PDE4D: variants seen among roughly 807,000 people sequenced by gnomAD.
PDE4D encodes the protein phosphodiesterase 4D.
Under a neutral mutation model 87.4 loss-of-function variants are expected in PDE4D, and 24 were observed. The observed-to-expected ratio is 0.27, with a 90% CI of 0.20 to 0.39. PDE4D has a LOEUF of 0.39. PDE4D is among the 10% of genes least tolerant of loss of function. PDE4D has a pLI of 1.00. For synonymous variants in PDE4D, 384 were observed against 383.2 expected, an observed-to-expected ratio of 1.00 and a Z score of -0.02; for missense variants, 714 against 1,041.0, an observed-to-expected ratio of 0.69 and a Z score of 4.32.
intron 1 of PDE4D, among the ~76,000 whole-genome samples, chr5:59,357,798 C>T (rs555517849): frequency 6.3e-4 from 96 of 152,262 alleles, no homozygotes; most frequent in Middle Eastern, 3.4e-3. Context: ...ACCCTAGTGC[C>T]GTCATCGGTC....
chr5:60,239,389 A>C (rs1416683653), intron 1 of PDE4D, among the ~76,000 whole-genome samples: 1 of 152,118 alleles, frequency 6.6e-6, no homozygotes, highest in African/African-American at 2.4e-5. Flanking sequence ...CTTCTTCAAA[A>C]TTGTGTTGGT....
chr5:60,379,489 A>T (rs560094475), intron 1 of PDE4D, among the ~76,000 whole-genome samples: 4 of 152,172 alleles, frequency 2.6e-5, no homozygotes, highest in Non-Finnish European at 5.9e-5. Flanking sequence ...AGCTCTGAGG[A>T]CCCAATCTCA....
At chr5:59,480,852 T>C (rs1167421578) in intron 1 of PDE4D, among the ~76,000 whole-genome samples, 1 of 152,142 alleles carries the variant, frequency 6.6e-6, no homozygotes, top group Non-Finnish European at 1.5e-5. Flanking sequence ...CAATAAAACT[T>C]GCCCTGATTA....
At chr5:59,825,410 G>A (rs1160148383) in intron 1 of PDE4D, among the ~76,000 whole-genome samples, 1 of 152,094 alleles carries the variant, frequency 6.6e-6, no homozygotes, top group African/African-American at 2.4e-5. Flanking sequence ...CTTGTTGGTG[G>A]TGGCACTGCA....
chr5:59,992,401 T>C (rs1053100677), intron 2 of PDE4D, among the ~76,000 whole-genome samples: 2 of 152,222 alleles, frequency 1.3e-5, no homozygotes, highest in Non-Finnish European at 2.9e-5. Flanking sequence ...TGTGAGTCAA[T>C]ACTCCTTAAC....
chr5:59,514,401 G>A (rs762888323), intron 1 of PDE4D, among the ~76,000 whole-genome samples: 18 of 152,152 alleles, frequency 1.2e-4, no homozygotes, highest in South Asian at 6.2e-4. Context: ...CACCGCACCC[G>A]GCCTTCATTT....
chr5:60,348,784 T>C (rs1758946389), intron 1 of PDE4D, among the ~76,000 whole-genome samples: 1 of 152,032 alleles, frequency 6.6e-6, no homozygotes, highest in African/African-American at 2.4e-5. Flanking sequence ...AAACAGAAAA[T>C]GCATACTTTA....
chr5:59,218,796 T>G (rs1249977882), intron 1 of PDE4D, among the ~76,000 whole-genome samples: 1 of 152,022 alleles, frequency 6.6e-6, no homozygotes, highest in Non-Finnish European at 1.5e-5. Flanking sequence ...TAATCTAATA[T>G]TAGTATTAGC....
chr5:59,811,509 C>T (rs1768343257), intron 1 of PDE4D, among the ~76,000 whole-genome samples: 3 of 152,210 alleles, frequency 2.0e-5, no homozygotes, highest in Admixed American at 2.0e-4. Context: ...AACTCCCTGA[C>T]CTGGCTGGTC....
intron 1 of PDE4D, among the ~76,000 whole-genome samples, chr5:60,345,243 C>T (rs1183829167): frequency 6.6e-6 from 1 of 151,204 alleles, no homozygotes; most frequent in Non-Finnish European, 1.5e-5. Flanking sequence ...GGGAATTGAA[C>T]AATGAGAACA....
chr5:59,072,923 T>C (rs934495082), intron 5 of PDE4D, among the ~76,000 whole-genome samples: 12 of 152,198 alleles, frequency 7.9e-5, no homozygotes, highest in African/African-American at 2.9e-4. Context: ...GAGTTGCTTG[T>C]GGTTCCTGTC....
At chr5:59,367,961 A>G (rs1275467878) in intron 1 of PDE4D, among the ~76,000 whole-genome samples, 1 of 152,250 alleles carries the variant, frequency 6.6e-6, no homozygotes, top group Admixed American at 6.5e-5. Context: ...ACGAGGAGCT[A>G]GCTGTTTGCA....
chr5:59,638,572 CG>C (rs1166968059), intron 1 of PDE4D, among the ~76,000 whole-genome samples: 1 of 152,120 alleles, frequency 6.6e-6, no homozygotes, highest in Non-Finnish European at 1.5e-5. Context: ...GAGAGAGATA[CG>C]GAGCTTAACC....
intron 1 of PDE4D, among the ~76,000 whole-genome samples, chr5:59,459,711 A>G (rs1198332853): frequency 1.3e-5 from 2 of 152,214 alleles, no homozygotes; most frequent in Non-Finnish European, 2.9e-5. Flanking sequence ...TGAGGCATCC[A>G]CTTAATTTAC....
rs10471470 is a variant in PDE4D, at chr5:59,407,655, C to T, written c.456-191687G>A. On this transcript the variant is annotated intron_variant, in intron 1 of 14. Transcript: ENST00000340635. ...TGATAGTGATCTGCAAAGTAAAGTC[C>T]GTGCTGACAAAGTATTAGGTGTAAG... 2.9e-3 allele frequency among the ~76,000 whole-genome samples: 444 copies of T among 152,194 alleles called. 2 individuals are homozygous for T. The highest frequency in any genetic ancestry group is 3.9e-3 in the Non-Finnish European group (262 of 68,014).
rs148475952 is a variant in PDE4D at position 59,411,172 on chromosome 5, T to A, written c.456-195204A>T. 3.5e-4 allele frequency among the ~76,000 whole-genome samples: 54 copies of A among 152,300 alleles called. 1 individual carries two copies. In the East Asian group the frequency reaches 7.7e-3, roughly 22 times the overall value. On this transcript the variant is annotated intron_variant, in intron 1 of 14. Transcript: ENST00000340635. ...GATTCTTGGTTCCTCAATTGCCATC[T>A]TTCAAGATTTTGACAAAGGGAATGG...
rs1307369299 is a variant in PDE4D at position 59,200,801 on chromosome 5, TAAAG to T, written c.648-7269_648-7266del. ...ATACTTTGGGAGATATAGAACAACT[TAAAG>T]AACCATTCAAAGATAACTATTGATA... is the stretch of plus-strand genomic sequence containing the variant. On this transcript the variant is annotated intron_variant, in intron 2 of 14. Coordinates refer to ENST00000340635, the MANE Select transcript of PDE4D (RefSeq NM_001104631.2). Among the ~76,000 whole-genome samples, 3 of 151,666 alleles carry T rather than the reference TAAAG, an allele frequency of 2.0e-5. No individual in the cohort carries two copies. The South Asian group carries it at 6.2e-4, about 32-fold the overall frequency.
intron 1 of PDE4D, among the ~76,000 whole-genome samples, chr5:59,303,566 A>G (rs1406831524): frequency 3.3e-5 from 5 of 152,152 alleles, no homozygotes; most frequent in Admixed American, 3.3e-4. Context: ...TGATTTTTGT[A>G]TACGGTGAGA....
In PDE4D at chr5:59,864,001, C is replaced by T. The variant is rs16890320; in HGVS notation, c.455+29167G>A. Among the ~76,000 whole-genome samples the T allele has an allele frequency of 4.6e-4, 70 of 152,248 alleles. No homozygotes were observed. The East Asian group carries it at 0.012, about 27-fold the overall frequency. ...GCCCTGCGTGTAGTATTCATGGGAA[C>T]AGCACACAGCACAGCATCATTCTTC... is the stretch of plus-strand genomic sequence containing the variant. On this transcript the variant is annotated intron_variant, in intron 1 of 14. Coordinates refer to ENST00000340635, the MANE Select transcript of PDE4D (RefSeq NM_001104631.2).
Sources: gnomAD v4.1 joint callset for allele counts (sites outside exome capture counted in the v4.1 genomes callset) on GRCh38, gnomAD v4.1.1 for gene constraint, MANE v1.5 for transcripts, NCBI Gene and HGNC (gene_info 2026-07-23, HGNC 2026-07-21) for gene names.